TRAPPC9: variants seen among roughly 807,000 people sequenced by gnomAD.
TRAPPC9 encodes the protein trafficking protein particle complex subunit 9, also known as IKK2 binding protein.
TRAPPC9 carries 83 observed loss-of-function variants against 124.0 expected under a neutral mutation model. That is an observed-to-expected ratio of 0.67 (90% CI 0.56 to 0.80). The LOEUF (loss-of-function observed/expected upper bound fraction) is 0.80. Ranked by LOEUF, TRAPPC9 falls within the 30% of genes least tolerant of loss-of-function variation. The pLI is 0.00. For missense variants in TRAPPC9, 1,302 were observed against 1,508.3 expected, an observed-to-expected ratio of 0.86 and a Z score of 2.27; for synonymous variants, 638 against 617.5, an observed-to-expected ratio of 1.03 and a Z score of -0.49.
chr8:140,098,933 T>G (rs977644524), intron 17 of TRAPPC9: 1 of 151,710 alleles, frequency 6.6e-6, no homozygotes. Context: ...TAGGTCTCAG[T>G]GCGCAGCTAC....
chr8:140,311,036 C>T (rs2066282464), intron 10 of TRAPPC9, among the ~76,000 whole-genome samples: 1 of 152,126 alleles, frequency 6.6e-6, no homozygotes, highest in Non-Finnish European at 1.5e-5. Context: ...CATGGAATTG[C>T]AGCAGTTACA....
intron 21 of TRAPPC9, among the ~76,000 whole-genome samples, chr8:139,871,150 T>C (rs1828873011): frequency 6.6e-6 from 1 of 152,186 alleles, no homozygotes; most frequent in Non-Finnish European, 1.5e-5. Flanking sequence ...TAGAGGCTTC[T>C]CAATAAAGGT....
At chr8:139,957,040 T>C (rs1423850154) in intron 19 of TRAPPC9, among the ~76,000 whole-genome samples, 1 of 152,234 alleles carries the variant, frequency 6.6e-6, no homozygotes, top group Admixed American at 6.5e-5. Flanking sequence ...AAAATCGCAT[T>C]CCACACAGAG....
intron 21 of TRAPPC9, among the ~76,000 whole-genome samples, chr8:139,885,339 T>C (rs1829934029): frequency 1.3e-5 from 2 of 152,194 alleles, no homozygotes; most frequent in South Asian, 4.1e-4. Flanking sequence ...GGCGTTCTCT[T>C]GGGGTTGAAC....
At chr8:139,839,011 G>A (rs1394916620) in intron 21 of TRAPPC9, among the ~76,000 whole-genome samples, 2 of 152,168 alleles carry the variant, frequency 1.3e-5, no homozygotes, top group African/African-American at 4.8e-5. Context: ...CTTTTCACAA[G>A]GGAAGGCCCT....
Position 139,891,799 on chromosome 8 carries a change from A to G in TRAPPC9, c.2965-5830T>C, listed in dbSNP as rs571856428. ...CTCCCATCTCCAGGGTGCGTGCTGCAGGCAGGGCCCGCTCTAAGCAGCTTA... is the reference window on the plus strand; with the variant it reads ...CTCCCATCTCCAGGGTGCGTGCTGCGGGCAGGGCCCGCTCTAAGCAGCTTA... On this transcript the variant is annotated intron_variant, in intron 20 of 22. Coordinates refer to ENST00000438773, the MANE Select transcript of TRAPPC9 (RefSeq NM_001160372.4). 3.3e-5 allele frequency among the ~76,000 whole-genome samples: 5 copies of G among 152,382 alleles called. No individual in the cohort carries two copies. The East Asian group carries it at 9.6e-4, about 29-fold the overall frequency.
intron 19 of TRAPPC9, among the ~76,000 whole-genome samples, chr8:139,927,112 T>C (rs2131365988): frequency 6.6e-6 from 1 of 152,326 alleles, no homozygotes; most frequent in South Asian, 2.1e-4. Flanking sequence ...ACTATCACAA[T>C]GGGAAACACC....
At chr8:140,092,572 T>C (rs1844644984) in intron 17 of TRAPPC9, among the ~76,000 whole-genome samples, 1 of 152,168 alleles carries the variant, frequency 6.6e-6, no homozygotes, top group Non-Finnish European at 1.5e-5. Context: ...ACTGAGTAAC[T>C]TATCCAAGGG....
chr8:139,834,904 C>T (rs531052074), intron 21 of TRAPPC9, among the ~76,000 whole-genome samples: 51 of 152,250 alleles, frequency 3.3e-4, no homozygotes, highest in Middle Eastern at 3.4e-3. Flanking sequence ...GTTCTGAGTC[C>T]AATGTTTTCC....
At chr8:140,040,908 G>A (rs181679417) in intron 17 of TRAPPC9, 14 of 152,274 alleles carry the variant, frequency 9.2e-5, no homozygotes, top group Admixed American at 2.0e-4. Flanking sequence ...AGGTGGAAAC[G>A]TTCAACAGAG....
At chr8:140,329,018 G>A (rs1331289912) in intron 9 of TRAPPC9, among the ~76,000 whole-genome samples, 2 of 152,148 alleles carry the variant, frequency 1.3e-5, no homozygotes, top group African/African-American at 4.8e-5. Flanking sequence ...AAGCACCGGA[G>A]GGTGGAGAGA....
intron 8 of TRAPPC9, among the ~76,000 whole-genome samples, chr8:140,363,261 G>A (rs1239535320): frequency 2.6e-5 from 4 of 152,134 alleles, no homozygotes; most frequent in Admixed American, 1.3e-4. Flanking sequence ...CCCTTAAGCC[G>A]GCAAGTACAC....
At position 140,016,775 on chromosome 8, in the gene TRAPPC9, T is replaced by A. The variant is rs549094000; in HGVS notation, c.2699+7162A>T. 5.3e-5 allele frequency among the ~76,000 whole-genome samples: 8 copies of A among 152,328 alleles called. No individual in the cohort carries two copies. The East Asian group carries it at 1.5e-3, about 29-fold the overall frequency. ...ATACTTGCAGGAGTCTTTTTGTGGA[T>A]GTGGACTTATATTTCTCTTGAGAAA... On this transcript the variant is annotated intron_variant, in intron 18 of 22. Coordinates refer to ENST00000438773, the MANE Select transcript of TRAPPC9 (RefSeq NM_001160372.4).
chr8:139,966,467 G>T (rs559208153), intron 19 of TRAPPC9, among the ~76,000 whole-genome samples: 1 of 152,322 alleles, frequency 6.6e-6, no homozygotes, highest in African/African-American at 2.4e-5. Context: ...CCTGCAGGGA[G>T]GCACACAGGC....
intron 17 of TRAPPC9, among the ~76,000 whole-genome samples, chr8:140,113,234 T>A (rs940954151): frequency 6.6e-6 from 1 of 152,196 alleles, no homozygotes; most frequent in Non-Finnish European, 1.5e-5. Context: ...GGGTGCTTCA[T>A]TTCAGGGAGA....
intron 7 of TRAPPC9, among the ~76,000 whole-genome samples, chr8:140,394,874 G>C (rs546869831): frequency 1.2e-4 from 18 of 152,246 alleles, no homozygotes; most frequent in African/African-American, 4.3e-4. Flanking sequence ...TCAGCACTTA[G>C]AGCATCAGGC....
intron 16 of TRAPPC9, among the ~76,000 whole-genome samples, chr8:140,251,358 C>T (rs148303854): frequency 3.0e-4 from 46 of 152,306 alleles, no homozygotes; most frequent in African/African-American, 1.0e-3. Context: ...CGGGATAAAG[C>T]CGTTTACACA....
intron 9 of TRAPPC9, among the ~76,000 whole-genome samples, chr8:140,352,121 G>A (rs1251555915): frequency 6.6e-6 from 1 of 151,968 alleles, no homozygotes; most frequent in Admixed American, 6.6e-5. Context: ...TAAAACATGT[G>A]TGTGGAATTC....
intron 17 of TRAPPC9, among the ~76,000 whole-genome samples, chr8:140,088,662 C>A (rs1301239338): frequency 1.3e-5 from 2 of 152,158 alleles, no homozygotes; most frequent in Admixed American, 1.3e-4. Context: ...TACAGTTGAA[C>A]AATACAACTA....
Sources: gnomAD v4.1 joint callset for allele counts (sites outside exome capture counted in the v4.1 genomes callset) on GRCh38, gnomAD v4.1.1 for gene constraint, MANE v1.5 for transcripts, NCBI Gene and HGNC (gene_info 2026-07-23, HGNC 2026-07-21) for gene names.